Variants in PALM2AKAP2 observed in about 807,000 individuals in gnomAD.
PALM2AKAP2 encodes PALM2-AKAP2 fusion protein.
In PALM2AKAP2, 37 loss-of-function variants were observed where a neutral mutation model predicts 71.5. The observed-to-expected ratio is 0.52, with a 90% CI of 0.40 to 0.68. The LOEUF is 0.68. Ranked by LOEUF, PALM2AKAP2 falls within the 30% of genes least tolerant of loss-of-function variation. The pLI, the probability that PALM2AKAP2 is intolerant of heterozygous loss-of-function variation, is 0.00. For synonymous variants in PALM2AKAP2, 468 were observed against 478.8 expected (o/e 0.98, Z 0.29); for missense variants, 1,224 against 1,191.8 (o/e 1.03, Z -0.40).
chr9:110,165,312 A>T (rs899592960), intron 3 of PALM2AKAP2, among the ~76,000 whole-genome samples: 3 of 150,584 alleles, frequency 2.0e-5, no homozygotes, highest in Non-Finnish European at 3.0e-5. Context: ...ACACACACAC[A>T]CACACACACA....
chr9:110,117,451 AAC>A (rs1283306522), intron 1 of PALM2AKAP2, among the ~76,000 whole-genome samples: 1 of 152,192 alleles, frequency 6.6e-6, no homozygotes, highest in Non-Finnish European at 1.5e-5. Flanking sequence ...ATGAAATAAA[AAC>A]CATGGACTCC....
At chr9:109,948,868 TAAC>T (rs1449994548) in intron 6 of PALM2AKAP2, among the ~76,000 whole-genome samples, 1 of 152,244 alleles carries the variant, frequency 6.6e-6, no homozygotes, top group Non-Finnish European at 1.5e-5. Flanking sequence ...CTTGTGATGT[TAAC>T]AAAATGAATG....
At chr9:109,932,156 G>A in intron 6 of PALM2AKAP2, 128 bp downstream of exon 6, 2 of 1,060,860 alleles carry the variant, frequency 1.9e-6, no homozygotes, top group South Asian at 2.2e-5. Flanking sequence ...AGCCTCAGAT[G>A]CAGCCTTCAC....
rs1488125874 is a variant in PALM2AKAP2, at chr9:110,014,809, T to A, written c.497-1145T>A. On this transcript the variant is annotated intron_variant, in intron 6 of 9. Coordinates refer to the PALM2AKAP2 transcript ENST00000302798. ...AAAAAAAAAAAAAAAAAAAAATGTA[T>A]ATATATATATATATATATATATATA... 7.7e-3 allele frequency among the ~76,000 whole-genome samples: 40 copies of A among 5,164 alleles called. 2 individuals are homozygous for A. Among genetic ancestry groups the A allele is most frequent in the African/African-American group, 0.012 (26 of 2,242 alleles). The allele number at this position is 5,164 out of a possible 152,430, so 3.4% of individuals were successfully genotyped here.
At chr9:110,019,815 G>T (rs1014098002) in intron 7 of PALM2AKAP2, among the ~76,000 whole-genome samples, 1 of 152,078 alleles carries the variant, frequency 6.6e-6, no homozygotes, top group Non-Finnish European at 1.5e-5. Flanking sequence ...AAGGAGAAAG[G>T]GTTGTAAAAC....
At chr9:109,640,838 C>T in exon 1 of PALM2AKAP2, 1 of 1,517,020 alleles carries the variant, frequency 6.6e-7, no homozygotes, top group Non-Finnish European at 8.8e-7. Context: ...CCCGCAGCAG[C>T]GCACCCGGCC....
At position 109,858,243 on chromosome 9, in the gene PALM2AKAP2, T is replaced by C. The variant is rs867319238; in HGVS notation, c.46-9248T>C. On this transcript the variant is annotated intron_variant, in intron 1 of 9. Transcript: ENST00000302798. Reference sequence around the variant, plus strand: ...TTTCTCCTCTGTAAAATGGGGATAATGATAGTACCTAACTCATTAGGTTGT... The same window carrying C: ...TTTCTCCTCTGTAAAATGGGGATAACGATAGTACCTAACTCATTAGGTTGT... Among the ~76,000 whole-genome samples, 25 of 152,310 alleles carry C rather than the reference T, an allele frequency of 1.6e-4. No individual in the cohort carries two copies. In the Middle Eastern group the frequency reaches 0.014, roughly 83 times the overall value.
rs555607991 is a variant in PALM2AKAP2 at position 109,652,854 on chromosome 9, T to G, written c.5+11988T>G. On this transcript the variant is annotated intron_variant, in intron 1 of 6. Transcript: ENST00000374531. ...CAAGTGTTTATTCAAAGGAAAGGTT[T>G]GATGGAATACTATCTGTCAGAGGCA... Among the ~76,000 whole-genome samples, 5 of 152,322 alleles carry G rather than the reference T, an allele frequency of 3.3e-5. No individual in the cohort carries two copies. In the East Asian group the frequency reaches 9.6e-4, roughly 29 times the overall value.
chr9:109,939,405 T>C (rs1335907466), intron 6 of PALM2AKAP2, among the ~76,000 whole-genome samples: 1 of 152,234 alleles, frequency 6.6e-6, no homozygotes, highest in African/African-American at 2.4e-5. Context: ...AACATCCCCA[T>C]GTTAATAATT....
At chr9:109,804,674 A>AT (rs1236639633) in intron 1 of PALM2AKAP2, among the ~76,000 whole-genome samples, 3 of 152,142 alleles carry the variant, frequency 2.0e-5, no homozygotes, top group African/African-American at 7.2e-5. Flanking sequence ...AGACTGGCAA[A>AT]TTTTACTTCT....
intron 6 of PALM2AKAP2, among the ~76,000 whole-genome samples, chr9:109,991,839 A>T (rs929559957): frequency 2.0e-5 from 3 of 152,192 alleles, no homozygotes; most frequent in Non-Finnish European, 4.4e-5. Context: ...CGCATCCTGG[A>T]AGCTTGAAGG....
intron 1 of PALM2AKAP2, among the ~76,000 whole-genome samples, chr9:110,051,639 G>A (rs1833712792): frequency 6.6e-6 from 1 of 152,178 alleles, no homozygotes; most frequent in South Asian, 2.1e-4. Context: ...GTTGAAACAG[G>A]AGCATGCTAA....
At chr9:109,643,347 C>T (rs890511086) in intron 1 of PALM2AKAP2, among the ~76,000 whole-genome samples, 4 of 152,314 alleles carry the variant, frequency 2.6e-5, no homozygotes, top group East Asian at 3.9e-4. Context: ...CACTGGGTAG[C>T]GCTAAAGGAG....
intron 1 of PALM2AKAP2, among the ~76,000 whole-genome samples, chr9:109,724,747 C>T (rs907532442): frequency 3.9e-5 from 6 of 152,130 alleles, no homozygotes; most frequent in Non-Finnish European, 7.4e-5. Flanking sequence ...ATGCTACATG[C>T]CTATGGTTTC....
At chr9:109,778,643 A>G (rs769564954), upstream of PALM2AKAP2, among the ~76,000 whole-genome samples, 3 of 152,218 alleles carry the variant, frequency 2.0e-5, no homozygotes, top group Non-Finnish European at 4.4e-5. Context: ...GAGTGCTTCC[A>G]TCTTTGGTCA....
intron 3 of PALM2AKAP2, among the ~76,000 whole-genome samples, chr9:110,161,875 T>C (rs1373866452): frequency 6.6e-6 from 1 of 151,890 alleles, no homozygotes; most frequent in African/African-American, 2.4e-5. Context: ...TTATCTGATA[T>C]TTTTATTAGT....
intron 1 of PALM2AKAP2, among the ~76,000 whole-genome samples, chr9:110,057,042 G>A (rs1465681046): frequency 2.0e-5 from 3 of 152,012 alleles, no homozygotes; most frequent in South Asian, 2.1e-4. Context: ...TCCCAGGGAC[G>A]CCTTGTCCTT....
intron 1 of PALM2AKAP2, among the ~76,000 whole-genome samples, chr9:109,831,946 C>T (rs181186162): frequency 7.2e-5 from 11 of 152,214 alleles, no homozygotes; most frequent in Admixed American, 2.0e-4. Flanking sequence ...TAGAGCCTTA[C>T]GAATTCTAAA....
rs140818565 is a variant in PALM2AKAP2, at chr9:110,109,227, G to C, written c.157-26900G>C. ...AGCTAGTCAGAAGGCTGAGGCAGGA[G>C]AATTGCTTGAACCCGGGAAGTGGAG... On this transcript the variant is annotated intron_variant, in intron 1 of 3. Transcript: ENST00000374525. Among the ~76,000 whole-genome samples the C allele has an allele frequency of 2.3e-4, 34 of 145,066 alleles. No homozygotes were observed. In the East Asian group the frequency reaches 6.7e-3, roughly 28 times the overall value.
Sources: gnomAD v4.1 joint callset for allele counts (sites outside exome capture counted in the v4.1 genomes callset) on GRCh38, gnomAD v4.1.1 for gene constraint, MANE v1.5 for transcripts, NCBI Gene and HGNC (gene_info 2026-07-23, HGNC 2026-07-21) for gene names.